Variants in PAWR observed in about 807,000 individuals in gnomAD.
PAWR encodes the protein PRKC apoptosis WT1 regulator protein.
A neutral mutation model predicts 32.0 loss-of-function variants in PAWR; 23 were observed. The ratio of observed to expected loss-of-function variants is 0.72; its 90% CI spans 0.52 to 1.02. PAWR has a LOEUF of 1.02. PAWR is among the 50% of genes least tolerant of loss of function. PAWR has a pLI of 0.00. For synonymous variants in PAWR, 226 were observed against 187.1 expected (o/e 1.21, Z -1.70); for missense variants, 457 against 437.7 (o/e 1.04, Z -0.39).
chr12:79,653,627 G>T (rs1876959582), intron 2 of PAWR, among the ~76,000 whole-genome samples: 1 of 152,058 alleles, frequency 6.6e-6, no homozygotes, highest in Admixed American at 6.6e-5. Context: ...TTACAGGCAT[G>T]CGCCACCACG....
intron 2 of PAWR, among the ~76,000 whole-genome samples, chr12:79,686,754 T>C (rs1358239383): frequency 6.6e-6 from 1 of 152,178 alleles, no homozygotes. Context: ...AAGATTCTCA[T>C]CCTCAATAGC....
intron 2 of PAWR, among the ~76,000 whole-genome samples, chr12:79,640,235 C>A (rs1876256176): frequency 6.6e-6 from 1 of 152,038 alleles, no homozygotes; most frequent in Admixed American, 6.6e-5. Flanking sequence ...TACTCCCTGC[C>A]CACAAAGAGC....
intron 4 of PAWR, among the ~76,000 whole-genome samples, chr12:79,599,980 G>T (rs1049100129): frequency 6.6e-6 from 1 of 152,082 alleles, no homozygotes; most frequent in African/African-American, 2.4e-5. Flanking sequence ...CATATTTGAT[G>T]AATTCATTTT....
At chr12:79,658,195 T>C (rs913430838) in intron 2 of PAWR, among the ~76,000 whole-genome samples, 3 of 152,228 alleles carry the variant, frequency 2.0e-5, no homozygotes, top group African/African-American at 4.8e-5. Context: ...CAACAGATCT[T>C]TGCACCTGGC....
chr12:79,624,510 C>T (rs1312236545), intron 2 of PAWR, among the ~76,000 whole-genome samples: 1 of 152,160 alleles, frequency 6.6e-6, no homozygotes, highest in African/African-American at 2.4e-5. Flanking sequence ...ATTCATCACA[C>T]ATAGTATCCC....
At chr12:79,597,833 A>G (rs1366133257) in intron 4 of PAWR, 2 of 152,114 alleles carry the variant, frequency 1.3e-5, no homozygotes, top group Admixed American at 6.5e-5. Flanking sequence ...TCTTATCTCA[A>G]AGTTTCCGTT....
intron 2 of PAWR, among the ~76,000 whole-genome samples, chr12:79,669,199 T>G (rs1877763183): frequency 6.6e-6 from 1 of 152,192 alleles, no homozygotes; most frequent in South Asian, 2.1e-4. Flanking sequence ...ATGTAAAGAT[T>G]AGGGATATAA....
At chr12:79,623,026 G>A (rs1296584561) in intron 2 of PAWR, among the ~76,000 whole-genome samples, 1 of 152,140 alleles carries the variant, frequency 6.6e-6, no homozygotes, top group East Asian at 1.9e-4. Context: ...AGTTCCTTGG[G>A]ATAAGGAATG....
At chr12:79,630,638 C>T (rs1460034500) in intron 2 of PAWR, among the ~76,000 whole-genome samples, 1 of 151,892 alleles carries the variant, frequency 6.6e-6, no homozygotes, top group African/African-American at 2.4e-5. Context: ...ATAAAATTGA[C>T]AAATTCCGTG....
intron 2 of PAWR, among the ~76,000 whole-genome samples, chr12:79,659,890 A>C (rs2136820396): frequency 6.6e-6 from 1 of 152,306 alleles, no homozygotes; most frequent in East Asian, 1.9e-4. Context: ...GTTTTTGTCC[A>C]AAAGAAGGGA....
intron 2 of PAWR, among the ~76,000 whole-genome samples, chr12:79,657,576 G>C (rs1462760071): frequency 1.3e-5 from 2 of 152,134 alleles, no homozygotes; most frequent in African/African-American, 4.8e-5. Context: ...CGGATCACAA[G>C]GTCAGAAGAC....
At chr12:79,601,463 C>A (rs1421262489) in intron 4 of PAWR, among the ~76,000 whole-genome samples, 1 of 151,932 alleles carries the variant, frequency 6.6e-6, no homozygotes, top group Non-Finnish European at 1.5e-5. Context: ...CGTCAGCCAC[C>A]CAAAGTGCTT....
chr12:79,630,841 T>A (rs1324424808), intron 2 of PAWR, among the ~76,000 whole-genome samples: 1 of 146,844 alleles, frequency 6.8e-6, no homozygotes, highest in African/African-American at 2.6e-5. Flanking sequence ...AGGCCAACAA[T>A]GCTCTGGTAC....
chr12:79,649,044 T>C (rs1224789952), intron 2 of PAWR, among the ~76,000 whole-genome samples: 69 of 152,312 alleles, frequency 4.5e-4, no homozygotes, highest in Non-Finnish European at 2.9e-5. Flanking sequence ...CAGACTCAGT[T>C]GGTAAATACC....
intron 6 of PAWR, among the ~76,000 whole-genome samples, chr12:79,593,923 C>G (rs912181778): frequency 6.6e-6 from 1 of 151,652 alleles, no homozygotes; most frequent in Non-Finnish European, 1.5e-5. Flanking sequence ...AGGCTGGTCT[C>G]GAACTCCTGA....
At chr12:79,601,381 A>G (rs1488314406) in intron 4 of PAWR, among the ~76,000 whole-genome samples, 1 of 151,730 alleles carries the variant, frequency 6.6e-6, no homozygotes, top group East Asian at 1.9e-4. Context: ...ATTTATCTTA[A>G]TTTTTTAGAA....
intron 2 of PAWR, among the ~76,000 whole-genome samples, chr12:79,641,619 T>C (rs988315850): frequency 2.0e-5 from 3 of 151,734 alleles, no homozygotes; most frequent in African/African-American, 4.8e-5. Context: ...GAGGCCGAGG[T>C]GGGCGGATCA....
chr12:79,683,148 T>G (rs950544479), intron 2 of PAWR, among the ~76,000 whole-genome samples: 5 of 152,192 alleles, frequency 3.3e-5, no homozygotes, highest in African/African-American at 1.2e-4. Flanking sequence ...ATGTTTAAAG[T>G]ACTTTGAATT....
rs1875732594 is a variant in PAWR at position 79,632,348 on chromosome 12, TATA to T, written c.517-11144_517-11142del. On this transcript the variant is annotated intron_variant, in intron 2 of 6. Coordinates refer to ENST00000328827, the MANE Select transcript of PAWR (RefSeq NM_002583.4). ...ATATATATATATATATATATATATA[TATA>T]TATATATATATTTTTTTTTTTTTTT... is the stretch of plus-strand genomic sequence containing the variant. Among the ~76,000 whole-genome samples the T allele has an allele frequency of 4.5e-5, 3 of 67,328 alleles. No homozygotes were observed. The African/African-American group carries it at 4.6e-4, about 10-fold the overall frequency. 44.2% of individuals were successfully genotyped at this position (67,328 alleles called of 152,430 possible).
Sources: allele counts gnomAD v4.1 joint callset (sites outside exome capture counted in the v4.1 genomes callset), GRCh38; gene constraint gnomAD v4.1.1; transcripts MANE v1.5; gene names NCBI Gene and HGNC (gene_info 2026-07-23, HGNC 2026-07-21).